SUPT6H: variants seen among roughly 807,000 people sequenced by gnomAD.
The protein encoded by SUPT6H is transcription elongation factor SPT6.
In SUPT6H, 11 loss-of-function variants were observed where a neutral mutation model predicts 222.3. That is an observed-to-expected ratio of 0.05 (90% CI 0.03 to 0.08). The LOEUF (loss-of-function observed/expected upper bound fraction) is 0.08, where lower values mean the gene tolerates loss of function less well. Among genes scored for constraint, SUPT6H ranks in the 10% least tolerant of loss-of-function variants. SUPT6H has a pLI of 1.00. For missense variants in SUPT6H, 1,422 were observed against 2,216.0 expected (o/e 0.64, Z 7.19); for synonymous variants, 762 against 801.2 (o/e 0.95, Z 0.83).
In SUPT6H at chr17:28,676,257, T is replaced by G. The variant is rs759406316; in HGVS notation, c.724T>G (p.Tyr242Asp). Residue 242 changes from tyrosine (Y) to aspartate (D), a missense_variant, in exon 7 of 37, where the codon TAT (tyrosine) becomes GAT (aspartate). This residue lies in a region of SUPT6H where 389 missense variants were observed against 544.6 expected (regional missense o/e 0.71). Transcript: ENST00000314616. ...YDEELEEEYE[Y>D]EDDEAEGEIR... ...TGAAGAACTGGAGGAAGAGTATGAG[T>G]ATGAGGATGATGAGGCTGAGGGTGA... 5.6e-6 allele frequency: 9 copies of G among 1,611,886 alleles called. No homozygotes were observed. Among genetic ancestry groups the G allele is most frequent in the African/African-American group, 1.3e-5 (1 of 74,322 alleles).
chr17:28,669,772 T>TA (rs1048885599), intron 1 of SUPT6H, among the ~76,000 whole-genome samples: 11 of 152,030 alleles, frequency 7.2e-5, no homozygotes, highest in Middle Eastern at 3.4e-3. Flanking sequence ...CCATCTCTAC[T>TA]AAAAAAAACA....
chr17:28,663,956 G>A (rs896285483), intron 1 of SUPT6H, among the ~76,000 whole-genome samples: 1 of 150,272 alleles, frequency 6.7e-6, no homozygotes. Context: ...GCAGCTTCTA[G>A]TAATCAAGTG....
At position 28,674,185 on chromosome 17, in the gene SUPT6H, A is replaced by G. The variant is rs558558984; in HGVS notation, c.110-98A>G. On this transcript the variant is annotated intron_variant, in intron 2 of 36. Transcript: ENST00000314616. ...GAAGAGTTAACATGGCACCCAGGTC[A>G]TTAGGTGCAGAGCAAATGGATAATC... 23 of 1,434,336 alleles carry G rather than the reference A, an allele frequency of 1.6e-5. No individual in the cohort carries two copies. The African/African-American group carries it at 1.7e-4, about 10-fold the overall frequency. The allele number at this position is 1,434,336 out of a possible 1,614,324, so 88.9% of individuals were successfully genotyped here. A position where few individuals can be genotyped will look rare whatever the true frequency, so the allele number is the denominator to read the frequency against.
At chr17:28,674,076 T>C (rs991169285) in intron 2 of SUPT6H, among the ~76,000 whole-genome samples, 1 of 152,310 alleles carries the variant, frequency 6.6e-6, no homozygotes, top group South Asian at 2.1e-4. Flanking sequence ...CAAAGACAGA[T>C]GGTGAATGTA....
intron 27 of SUPT6H, among the ~76,000 whole-genome samples, chr17:28,692,350 A>G (rs1461835136): frequency 7.8e-6 from 1 of 128,430 alleles, no homozygotes; most frequent in African/African-American, 3.0e-5. Flanking sequence ...GGGAGGGGCC[A>G]GGCCGGGCAC....
chr17:28,678,538 A>G lies in SUPT6H; in HGVS notation c.1117-7A>G, dbSNP rs199716232. 356 of 1,613,938 alleles carry G rather than the reference A, an allele frequency of 2.2e-4. No individual in the cohort carries two copies. The highest frequency in any genetic ancestry group is 2.6e-4 in the Non-Finnish European group (312 of 1,179,948). On this transcript the variant is annotated splice_region_variant and splice_polypyrimidine_tract_variant and intron_variant, in intron 9 of 36. Transcript: ENST00000314616. ...TCTGAGTGACTGCAGTCTCTTTGCCATCCTAGGTGCCTTTTATTGCCTTCT... is the reference window on the plus strand; with the variant it reads ...TCTGAGTGACTGCAGTCTCTTTGCCGTCCTAGGTGCCTTTTATTGCCTTCT...
intron 29 of SUPT6H, 110 bp downstream of exon 29, chr17:28,695,657 C>G: frequency 7.6e-7 from 1 of 1,310,126 alleles, no homozygotes; most frequent in Non-Finnish European, 1.0e-6. Flanking sequence ...GAAGTGGGGA[C>G]TCAGCTTTGA....
At chr17:28,700,809 G>T (rs1460400525) in intron 35 of SUPT6H, 132 bp from the exon 36 acceptor site, 23 of 1,185,780 alleles carry the variant, frequency 1.9e-5, no homozygotes, top group Non-Finnish European at 2.4e-5. Context: ...CCCACTGCTG[G>T]TCAGAAGCAC....
At position 28,684,607 on chromosome 17, in the gene SUPT6H, A is replaced by G; in HGVS notation, c.2251A>G (p.Asn751Asp). The change falls in exon 18 of 37, where the codon AAT (asparagine) becomes GAT (aspartate). Residue 751 changes from asparagine to aspartate, a missense_variant. Physicochemically the swap from Asn to Asp is conservative, Grantham distance 23. Coordinates refer to ENST00000314616, the MANE Select transcript of SUPT6H (RefSeq NM_003170.5). ...VIKACSRKLY[N>D]WLRVAPYRPD... ...TCAGGCCTGTAGTCGAAAGCTCTAC[A>G]ATTGGTTGAGAGTGGCACCCTACCG... 1.2e-6 allele frequency: 2 copies of G among 1,614,110 alleles called. No individual in the cohort carries two copies. The highest frequency in any genetic ancestry group is 1.7e-6 in the Non-Finnish European group (2 of 1,180,030).
intron 11 of SUPT6H, among the ~76,000 whole-genome samples, chr17:28,680,804 T>TA (rs1056128690): frequency 2.0e-5 from 3 of 152,110 alleles, no homozygotes; most frequent in African/African-American, 7.2e-5. Context: ...CCTGCCACTA[T>TA]ACCCTGCTAG....
rs1388737518 is a variant in SUPT6H, at chr17:28,684,606, C to T, written c.2250C>T (p.Tyr750=). 3 of 1,614,032 alleles carry T rather than the reference C, an allele frequency of 1.9e-6. No homozygotes were observed. Among genetic ancestry groups the T allele is most frequent in the East Asian group, 2.2e-5 (1 of 44,902 alleles). Residue 750 remains tyrosine (Y), a synonymous_variant, in exon 18 of 37, where the codon TAC becomes TAT. Coordinates refer to ENST00000314616, the MANE Select transcript of SUPT6H (RefSeq NM_003170.5). ...CTCAGGCCTGTAGTCGAAAGCTCTA[C>T]AATTGGTTGAGAGTGGCACCCTACC... is the stretch of plus-strand genomic sequence containing the variant. ...YVIKACSRKL[Y]NWLRVAPYRP... is the part of the protein sequence containing the mutation.
chr17:28,684,259 G>A (rs1030651964), intron 17 of SUPT6H, among the ~76,000 whole-genome samples: 3 of 152,184 alleles, frequency 2.0e-5, no homozygotes, highest in South Asian at 4.1e-4. Context: ...GAAACACGGG[G>A]GGCAGGTGAA....
rs1464893373 is a variant in SUPT6H at position 28,701,838 on chromosome 17, C to T, written c.*213C>T. 2 of 551,716 alleles carry T rather than the reference C, an allele frequency of 3.6e-6. No individual in the cohort carries two copies. Among genetic ancestry groups the T allele is most frequent in the African/African-American group, 1.9e-5 (1 of 53,396 alleles). 34.2% of individuals were successfully genotyped at this position (551,716 alleles called of 1,614,324 possible). A position where few individuals can be genotyped will look rare whatever the true frequency, so the allele number is the denominator to read the frequency against. ...ACAATTCTCCCGCTCCAGACCCTCA[C>T]CGACCACCTGTCCTGGGACCAGGCT... On this transcript the variant is annotated 3_prime_UTR_variant, in exon 37 of 37. Coordinates refer to ENST00000314616, the MANE Select transcript of SUPT6H (RefSeq NM_003170.5).
In SUPT6H at chr17:28,678,168, C is replaced by T. The variant is rs1389782388; in HGVS notation, c.1092C>T (p.Gly364=). The change falls in exon 9 of 37, where the codon GGC becomes GGT. Residue 364 remains glycine (G), a synonymous_variant. Coordinates refer to ENST00000314616, the MANE Select transcript of SUPT6H (RefSeq NM_003170.5). ...TTCAGAAGATCAAAGAGGCCCTGGG[C>T]TTCATGCGAAATCAGCATTTTGAGG... ...STIQKIKEAL[G]FMRNQHFEVP... is the part of the protein sequence containing the mutation. The T allele has an allele frequency of 1.4e-5, 23 of 1,607,674 alleles. No homozygotes were observed. Among genetic ancestry groups the T allele is most frequent in the Non-Finnish European group, 1.8e-5 (21 of 1,178,512 alleles).
At chr17:28,678,663 T>G in intron 10 of SUPT6H, 29 bp downstream of exon 10, 1 of 1,612,530 alleles carries the variant, frequency 6.2e-7, no homozygotes, top group Non-Finnish European at 8.5e-7. Context: ...CCCCAAGAGG[T>G]GTGGGCCAGG....
chr17:28,683,360 C>T lies in SUPT6H; in HGVS notation c.1971C>T (p.Cys657=), dbSNP rs780182289. The T allele has an allele frequency of 1.3e-5, 21 of 1,614,128 alleles. No homozygotes were observed. Among genetic ancestry groups the T allele is most frequent in the East Asian group, 4.5e-5 (2 of 44,884 alleles). ...GAGATGACCAGTTTCTCAAGATATGCCTGGCTGAAGACGAAGGGCTCCTCA... is the reference window on the plus strand; with the variant it reads ...GAGATGACCAGTTTCTCAAGATATGTCTGGCTGAAGACGAAGGGCTCCTCA... ...ELRDDQFLKI[C]LAEDEGLLTT... is the part of the protein sequence containing the mutation. The change falls in exon 16 of 37, where the codon TGC becomes TGT. Residue 657 remains cysteine, a synonymous_variant. Transcript: ENST00000314616.
intron 11 of SUPT6H, among the ~76,000 whole-genome samples, chr17:28,679,799 G>A (rs990925438): frequency 2.0e-5 from 3 of 151,570 alleles, no homozygotes; most frequent in African/African-American, 7.3e-5. Flanking sequence ...AGACCAGCCT[G>A]GCCAACACAG....
In SUPT6H at chr17:28,683,072, C is replaced by G. The variant is rs771552228; in HGVS notation, c.1858C>G (p.Pro620Ala). The G allele has an allele frequency of 1.5e-5, 24 of 1,605,710 alleles. No homozygotes were observed. Among genetic ancestry groups the G allele is most frequent in the Non-Finnish European group, 1.8e-5 (21 of 1,177,330 alleles). ...FQERAKLNIT[P>A]TKKGRKDVDE... ...AGAGAGAGCCAAGTTAAATATAACC[C>G]CCACCAAGAAAGGTAGAAAGGTGAG... Residue 620 changes from proline to alanine, a missense_variant, in exon 15 of 37, where the codon CCC becomes GCC. Pro to Ala is a conservative substitution (Grantham distance 27). Around this residue, in one of 13 missense-constraint regions of SUPT6H, gnomAD observed 121 missense variants for 158.0 expected, o/e 0.77. Transcript: ENST00000314616.
intron 1 of SUPT6H, among the ~76,000 whole-genome samples, chr17:28,667,370 CAAAAAAAAAAAAAA>C (rs546020183): frequency 1.6e-4 from 1 of 6,236 alleles, no homozygotes; most frequent in Non-Finnish European, 3.5e-4. Context: ...GACTCCGTCT[CAAAAAAAAAAAAAA>C]AAAAAAAAAA....
Sources: allele counts gnomAD v4.1 joint callset (sites outside exome capture counted in the v4.1 genomes callset), GRCh38; gene constraint gnomAD v4.1.1; regional missense constraint gnomAD v4.1.1; transcripts MANE v1.5; gene names NCBI Gene and HGNC (gene_info 2026-07-23, HGNC 2026-07-21).